KDSR: variants seen among roughly 807,000 people sequenced by gnomAD.
KDSR encodes the protein 3-dehydrosphinganine reductase.
Under a neutral mutation model 41.3 loss-of-function variants are expected in KDSR, and 23 were observed. The observed-to-expected ratio is 0.56, with a 90% CI of 0.40 to 0.79. KDSR has a LOEUF of 0.79. Among genes scored for constraint, KDSR ranks in the 30% least tolerant of loss-of-function variants. The probability of loss-of-function intolerance (pLI) is 0.00; values close to 1 mark genes in which losing one functional copy is unlikely to be tolerated. For synonymous variants in KDSR, 138 were observed against 151.7 expected, an observed-to-expected ratio of 0.91 and a Z score of 0.66; for missense variants, 351 against 416.8, an observed-to-expected ratio of 0.84 and a Z score of 1.37.
chr18:63,366,625 T>C, intron 1 of KDSR: 1 of 165,740 alleles, frequency 6.0e-6, no homozygotes, highest in Non-Finnish European at 1.3e-5. Context: ...CGCTGTGTCC[T>C]TGGCAAAGTT....
intron 9 of KDSR, 67 bp from the exon 10 acceptor site, chr18:63,331,968 T>C (rs962471159): frequency 5.9e-6 from 9 of 1,517,534 alleles, no homozygotes; most frequent in Non-Finnish European, 8.1e-6. Flanking sequence ...TACCTAGGTC[T>C]CTAACAAACA....
chr18:63,334,827 G>T (rs1391833113), intron 9 of KDSR, among the ~76,000 whole-genome samples: 2 of 152,112 alleles, frequency 1.3e-5, no homozygotes, highest in African/African-American at 4.8e-5. Flanking sequence ...TCCATGATTC[G>T]TGTCTCACTA....
In KDSR at chr18:63,331,831, C is replaced by T. The variant is rs776827687; in HGVS notation, c.950G>A (p.Arg317His). The T allele has an allele frequency of 1.2e-4, 192 of 1,613,790 alleles. No homozygotes were observed. The highest frequency in any genetic ancestry group is 1.4e-4 in the Non-Finnish European group (169 of 1,179,906). ...YLGSFDSIVR[R>H]CMMQREKSEN... is the part of the protein sequence containing the mutation. ...AGATTTTTCTCTCTGCATCATGCAG[C>T]GACGAACTATGCTGTCAAAACTTCC... The change falls in exon 10 of 10, where the codon CGC (arginine) becomes CAC (histidine). Residue 317 changes from arginine to histidine, a missense_variant. Arg to His is a conservative substitution (Grantham distance 29). Transcript: ENST00000645214.
intron 9 of KDSR, among the ~76,000 whole-genome samples, chr18:63,334,802 G>A (rs988045442): frequency 3.3e-5 from 5 of 152,302 alleles, no homozygotes; most frequent in South Asian, 2.1e-4. Context: ...TTCTATAAGC[G>A]AAGCAACTGT....
chr18:63,349,630 G>A (rs1914607979), intron 6 of KDSR, among the ~76,000 whole-genome samples: 1 of 152,206 alleles, frequency 6.6e-6, no homozygotes, highest in South Asian at 2.1e-4. Flanking sequence ...CGGCACATCA[G>A]GACTGTCGCT....
At position 63,331,814 on chromosome 18, in the gene KDSR, C is replaced by G. The variant is rs1914010568; in HGVS notation, c.967G>C (p.Glu323Gln). ...GTTTTGTCTGCATTTTCAGATTTTTCTCTCTGCATCATGCAGCGACGAACT... is the reference window on the plus strand; with the variant it reads ...GTTTTGTCTGCATTTTCAGATTTTTGTCTCTGCATCATGCAGCGACGAACT... The part of the protein sequence containing the change: ...SIVRRCMMQR[E>Q]KSENADKTA Residue 323 changes from glutamate to glutamine, a missense_variant, in exon 10 of 10, where the codon GAA becomes CAA. Physicochemically the swap from Glu to Gln is conservative, Grantham distance 29. Transcript: ENST00000645214. 1 of 1,613,774 alleles carries G rather than the reference C, an allele frequency of 6.2e-7. No individual in the cohort carries two copies. Among genetic ancestry groups the G allele is most frequent in the African/African-American group, 1.3e-5 (1 of 74,926 alleles).
At chr18:63,348,525 A>G (rs1014942552) in intron 6 of KDSR, among the ~76,000 whole-genome samples, 1 of 152,002 alleles carries the variant, frequency 6.6e-6, no homozygotes, top group Non-Finnish European at 1.5e-5. Flanking sequence ...CCCAGAACCT[A>G]TTTTTCATGG....
At chr18:63,354,251 G>C (rs1914736872) in intron 5 of KDSR, among the ~76,000 whole-genome samples, 2 of 152,172 alleles carry the variant, frequency 1.3e-5, no homozygotes, top group Non-Finnish European at 1.5e-5. Flanking sequence ...GGAGGCAGAG[G>C]TTGCAGTGAG....
At chr18:63,360,128 A>G (rs1215847883) in intron 2 of KDSR, among the ~76,000 whole-genome samples, 1 of 152,224 alleles carries the variant, frequency 6.6e-6, no homozygotes, top group Admixed American at 6.5e-5. Flanking sequence ...GTTGTGATAT[A>G]AGACAAGAAC....
chr18:63,356,742 T>C (rs1032117983), intron 3 of KDSR, among the ~76,000 whole-genome samples: 4 of 152,210 alleles, frequency 2.6e-5, no homozygotes, highest in Non-Finnish European at 5.9e-5. Flanking sequence ...AGACTGGCCT[T>C]GGCCCTGAAC....
chr18:63,358,048 C>T (rs186164276), intron 3 of KDSR, among the ~76,000 whole-genome samples: 27 of 152,180 alleles, frequency 1.8e-4, no homozygotes, highest in Non-Finnish European at 3.4e-4. Flanking sequence ...TAGTGACGCG[C>T]GCCTGTAATC....
chr18:63,342,809 T>A (rs977047524), intron 7 of KDSR, among the ~76,000 whole-genome samples: 1 of 152,106 alleles, frequency 6.6e-6, no homozygotes, highest in African/African-American at 2.4e-5. Flanking sequence ...CTATCTGATA[T>A]GGTTCGGATC....
At position 63,337,097 on chromosome 18, in the gene KDSR, TATATATATATATGTGA is replaced by T. The variant is rs1280626988; in HGVS notation, c.777+1687_777+1702del. On this transcript the variant is annotated intron_variant, in intron 8 of 9. Transcript: ENST00000645214. ...TTATATATATATATATGTGACTTTA[TATATATATATATGTGA>T]ATATATATATATATATATATATATG... 6.5e-4 allele frequency among the ~76,000 whole-genome samples: 29 copies of T among 44,418 alleles called. 2 individuals are homozygous for T. Among genetic ancestry groups the T allele is most frequent in the South Asian group, 1.5e-3 (3 of 2,022 alleles). 29.1% of individuals were successfully genotyped at this position (44,418 alleles called of 152,430 possible). A position where few individuals can be genotyped will look rare whatever the true frequency, so the allele number is the denominator to read the frequency against.
Position 63,367,103 on chromosome 18 carries a change from C to T in KDSR, c.16G>A (p.Ala6Thr), listed in dbSNP as rs769380651. The change falls in exon 1 of 10, where the codon GCC becomes ACC. Residue 6 changes from alanine to threonine, a missense_variant. By Grantham distance (58) the Ala-to-Thr change is moderately conservative. Coordinates refer to ENST00000645214, the MANE Select transcript of KDSR (RefSeq NM_002035.4). ...AGCACGAAGGCCACGAGGAAGGCGG[C>T]AGCCAGCAGCAGCATCGCTCCGCGG... MLLLA[A>T]AFLVAFVLLL... is the part of the protein sequence containing the mutation. The T allele has an allele frequency of 7.5e-7, 1 of 1,331,780 alleles. No homozygotes were observed. The highest frequency in any genetic ancestry group is 3.0e-5 in the Admixed American group (1 of 33,194). The allele number at this position is 1,331,780 out of a possible 1,614,324, so 82.5% of individuals were successfully genotyped here. A position where few individuals can be genotyped will look rare whatever the true frequency, so the allele number is the denominator to read the frequency against.
At chr18:63,342,168 CA>C (rs57407258) in intron 7 of KDSR, among the ~76,000 whole-genome samples, 84,516 of 123,434 alleles carry the variant, frequency 0.68, 26,866 homozygotes, top group Admixed American at 0.75. Flanking sequence ...GACTCTATCA[CA>C]AAAAAAAAAA....
intron 4 of KDSR, 65 bp downstream of exon 4, chr18:63,355,433 C>G: frequency 1.2e-6 from 2 of 1,611,634 alleles, no homozygotes; most frequent in Non-Finnish European, 1.7e-6. Flanking sequence ...AGCCACATAG[C>G]AAAATGGCAA....
At chr18:63,347,037 AG>A (rs772233458) in intron 6 of KDSR, among the ~76,000 whole-genome samples, 1 of 152,250 alleles carries the variant, frequency 6.6e-6, no homozygotes, top group Non-Finnish European at 1.5e-5. Context: ...AGAATGGATG[AG>A]CCAGGTCCTC....
intron 5 of KDSR, among the ~76,000 whole-genome samples, chr18:63,352,355 C>CACA (rs1914680501): frequency 6.6e-6 from 1 of 152,116 alleles, no homozygotes; most frequent in South Asian, 2.1e-4. Context: ...GCTCTTGTCA[C>CACA]CCAGGCTGGA....
intron 5 of KDSR, among the ~76,000 whole-genome samples, chr18:63,354,617 G>A (rs1200179845): frequency 6.6e-6 from 1 of 152,154 alleles, no homozygotes; most frequent in African/African-American, 2.4e-5. Context: ...GCAGTGAGCT[G>A]AGATCACGCC....
Sources: gnomAD v4.1 joint callset for allele counts (sites outside exome capture counted in the v4.1 genomes callset) on GRCh38, gnomAD v4.1.1 for gene constraint, MANE v1.5 for transcripts, NCBI Gene and HGNC (gene_info 2026-07-23, HGNC 2026-07-21) for gene names.